SPON1: variants seen among roughly 807,000 people sequenced by gnomAD.
The protein encoded by SPON1 is spondin-1.
SPON1 carries 52 observed loss-of-function variants against 111.7 expected under a neutral mutation model. The observed-to-expected ratio is 0.47, with a 90% CI of 0.37 to 0.59. The LOEUF is 0.59. Ranked by LOEUF, SPON1 falls within the 20% of genes least tolerant of loss-of-function variation. The pLI is 0.00. For synonymous variants in SPON1, 410 were observed against 395.8 expected (o/e 1.04, Z -0.43); for missense variants, 957 against 1,068.5 (o/e 0.90, Z 1.46).
At chr11:14,061,944 T>C (rs1327069881) in intron 3 of SPON1, among the ~76,000 whole-genome samples, 1 of 152,214 alleles carries the variant, frequency 6.6e-6, no homozygotes, top group Non-Finnish European at 1.5e-5. Flanking sequence ...GTGGTCTTAA[T>C]CACACACAAG....
intron 5 of SPON1, among the ~76,000 whole-genome samples, chr11:14,099,202 C>G (rs946121856): frequency 5.9e-5 from 9 of 152,086 alleles, no homozygotes; most frequent in Non-Finnish European, 1.0e-4. Flanking sequence ...TTTCATAGTT[C>G]CTAGCATACA....
At chr11:14,207,369 G>C (rs374411421) in intron 6 of SPON1, among the ~76,000 whole-genome samples, 3 of 152,074 alleles carry the variant, frequency 2.0e-5, no homozygotes, top group East Asian at 3.9e-4. Context: ...TTGACAAATG[G>C]TTTCTAATTA....
intron 6 of SPON1, among the ~76,000 whole-genome samples, chr11:14,200,606 A>G (rs1554935510): frequency 6.6e-6 from 1 of 151,964 alleles, no homozygotes; most frequent in African/African-American, 2.4e-5. Flanking sequence ...ACTTGGGGCC[A>G]GGTTTGAGAC....
intron 6 of SPON1, among the ~76,000 whole-genome samples, chr11:14,190,031 T>C (rs1476740568): frequency 6.6e-6 from 1 of 152,242 alleles, no homozygotes; most frequent in Non-Finnish European, 1.5e-5. Flanking sequence ...TTATATGCAT[T>C]GTGCAATTTC....
intron 13 of SPON1, among the ~76,000 whole-genome samples, chr11:14,260,347 C>T (rs1265721937): frequency 1.3e-5 from 2 of 152,076 alleles, no homozygotes; most frequent in African/African-American, 4.8e-5. Context: ...CATATTGCTA[C>T]CCTCATGTCA....
In SPON1 at chr11:14,257,809, G is replaced by A. The variant is rs782620081; in HGVS notation, c.1403G>A (p.Arg468His). The change falls in exon 11 of 16, where the codon CGC becomes CAC. Residue 468 changes from arginine to histidine, a missense_variant. Physicochemically the swap from Arg to His is conservative, Grantham distance 29 (BLOSUM62 0). Around this residue, in one of 5 missense-constraint regions of SPON1, gnomAD observed 549 missense variants for 606.2 expected, o/e 0.91. Transcript: ENST00000576479. ...GACAAAGGCAAGAGGATGCGACAGC[G>A]CATGCTGAAAGCACAGCTGGACCTC... ...TCDKGKRMRQ[R>H]MLKAQLDLSV... 9 of 1,609,394 alleles carry A rather than the reference G, an allele frequency of 5.6e-6. No individual in the cohort carries two copies. The highest frequency in any genetic ancestry group is 1.3e-5 in the African/African-American group (1 of 74,816).
chr11:14,109,446 A>G (rs575165402), intron 5 of SPON1, among the ~76,000 whole-genome samples: 5 of 152,366 alleles, frequency 3.3e-5, no homozygotes, highest in African/African-American at 9.6e-5. Flanking sequence ...CACCAATAAC[A>G]TAAACACAGC....
intron 6 of SPON1, among the ~76,000 whole-genome samples, chr11:14,161,074 T>C (rs193237113): frequency 2.4e-4 from 5 of 20,602 alleles, no homozygotes; most frequent in Non-Finnish European, 2.9e-4. Flanking sequence ...TATCTATAAT[T>C]TTTATATATT....
chr11:14,048,575 T>C (rs116544777), intron 3 of SPON1, among the ~76,000 whole-genome samples: 1,699 of 152,294 alleles, frequency 0.011, 32 homozygotes, highest in African/African-American at 0.04. Flanking sequence ...GCTTTGAACA[T>C]TTCTAAATTA....
At position 14,173,157 on chromosome 11, in the gene SPON1, C is replaced by T. The variant is rs1477914811; in HGVS notation, c.825+37589C>T. The stretch of plus-strand genomic sequence containing the variant: ...ATCAGATGTAGATTTGGTCTTTTCA[C>T]ACAGTCCCATATTTCTTGGAGGGTT... On this transcript the variant is annotated intron_variant, in intron 6 of 15. Transcript: ENST00000576479. 2.0e-5 allele frequency among the ~76,000 whole-genome samples: 3 copies of T among 151,988 alleles called. 1 individual carries two copies. Among genetic ancestry groups the T allele is most frequent in the Non-Finnish European group, 4.4e-5 (3 of 67,962 alleles).
chr11:14,142,983 C>T (rs528324185), intron 6 of SPON1, among the ~76,000 whole-genome samples: 1 of 152,130 alleles, frequency 6.6e-6, no homozygotes, highest in Non-Finnish European at 1.5e-5. Context: ...AATCTCTCCC[C>T]GACTATTTCT....
chr11:13,972,661 A>C (rs1452677053), intron 1 of SPON1, among the ~76,000 whole-genome samples: 1 of 152,182 alleles, frequency 6.6e-6, no homozygotes, highest in Non-Finnish European at 1.5e-5. Flanking sequence ...TGTCATCCCA[A>C]TGACATTTAC....
At chr11:14,255,390 C>T (rs1350995692) in intron 8 of SPON1, among the ~76,000 whole-genome samples, 3 of 152,206 alleles carry the variant, frequency 2.0e-5, no homozygotes, top group African/African-American at 7.2e-5. Flanking sequence ...CAGCCGTTTC[C>T]TAGCTGGGAT....
chr11:14,162,082 C>T (rs868953076), intron 6 of SPON1, among the ~76,000 whole-genome samples: 2 of 148,990 alleles, frequency 1.3e-5, no homozygotes, highest in African/African-American at 2.5e-5. Flanking sequence ...CACTTGAACC[C>T]GGGAGGCAGA....
chr11:14,197,831 A>G (rs1201392707), intron 6 of SPON1, among the ~76,000 whole-genome samples: 1 of 152,046 alleles, frequency 6.6e-6, no homozygotes, highest in Non-Finnish European at 1.5e-5. Context: ...ATAAACAAAT[A>G]ATAAAAATAA....
rs997256602 is a variant in SPON1 at position 14,225,863 on chromosome 11, G to A, written c.826-17469G>A. On this transcript the variant is annotated intron_variant, in intron 6 of 15. Coordinates refer to ENST00000576479, the MANE Select transcript of SPON1 (RefSeq NM_006108.4). ...AACTGCAGACAGGGGTCTAACAGCT[G>A]AGATTTTTCAGCACCATGTTCTAAA... Among the ~76,000 whole-genome samples, 5 of 152,194 alleles carry A rather than the reference G, an allele frequency of 3.3e-5. No individual in the cohort carries two copies. In the East Asian group the frequency reaches 9.6e-4, roughly 29 times the overall value.
At chr11:14,247,237 C>A (rs535598290) in intron 7 of SPON1, among the ~76,000 whole-genome samples, 1 of 152,250 alleles carries the variant, frequency 6.6e-6, no homozygotes, top group East Asian at 1.9e-4. Flanking sequence ...GCAAGACCCC[C>A]ATCTCTACAA....
chr11:14,250,407 GTTTTTT>G (rs1205560353), intron 7 of SPON1, among the ~76,000 whole-genome samples: 1 of 144,532 alleles, frequency 6.9e-6, no homozygotes, highest in Non-Finnish European at 1.5e-5. Context: ...TGTGAATCCA[GTTTTTT>G]TTTTATTACA....
rs1848043521 is a variant in SPON1, at chr11:14,167,475, CCT to C, written c.825+31908_825+31909del. Among the ~76,000 whole-genome samples the C allele has an allele frequency of 2.7e-5, 4 of 147,904 alleles. No homozygotes were observed. The Admixed American group carries it at 2.8e-4, about 10-fold the overall frequency. ...TGAATTTGTCTCTTCTCTCTCCTCC[CCT>C]TTTTTTCCCTGCCATTTACCCAAAG... On this transcript the variant is annotated intron_variant, in intron 6 of 15. Coordinates refer to ENST00000576479, the MANE Select transcript of SPON1 (RefSeq NM_006108.4).
Sources: allele counts gnomAD v4.1 joint callset (sites outside exome capture counted in the v4.1 genomes callset), GRCh38; gene constraint gnomAD v4.1.1; regional missense constraint gnomAD v4.1.1; transcripts MANE v1.5; gene names NCBI Gene and HGNC (gene_info 2026-07-23, HGNC 2026-07-21).